LRP1B: variants seen among roughly 807,000 people sequenced by gnomAD.
LRP1B encodes low-density lipoprotein receptor-related protein 1B.
In LRP1B, 217 loss-of-function variants were observed where a neutral mutation model predicts 556.6. That is an observed-to-expected ratio of 0.39 (90% CI 0.35 to 0.44). The LOEUF is 0.44. Among genes scored for constraint, LRP1B ranks in the 20% least tolerant of loss-of-function variants. LRP1B has a pLI of 1.00. For missense variants in LRP1B, 5,053 were observed against 5,620.8 expected (o/e 0.90, Z 3.23); for synonymous variants, 2,047 against 1,865.8 (o/e 1.10, Z -2.50).
chr2:140,615,114 C>T (rs560736178), intron 41 of LRP1B, among the ~76,000 whole-genome samples: 1 of 152,210 alleles, frequency 6.6e-6, no homozygotes, highest in African/African-American at 2.4e-5. Flanking sequence ...CCAAATGCTC[C>T]TAGAGATAAC....
chr2:141,441,031 A>G (rs1680944357), intron 3 of LRP1B, among the ~76,000 whole-genome samples: 1 of 152,176 alleles, frequency 6.6e-6, no homozygotes, highest in South Asian at 2.1e-4. Context: ...CAAAATGTCA[A>G]TAGTGTGAGG....
chr2:140,313,140 T>A (rs1408258384), intron 83 of LRP1B, among the ~76,000 whole-genome samples: 1 of 151,890 alleles, frequency 6.6e-6, no homozygotes, highest in African/African-American at 2.4e-5. Context: ...AAGTGAAAAA[T>A]GCTTTTTAAG....
chr2:140,804,434 A>T, intron 32 of LRP1B, among the ~76,000 whole-genome samples: 1 of 152,016 alleles, frequency 6.6e-6, no homozygotes, highest in South Asian at 2.1e-4. Context: ...TGTATTTTTT[A>T]AATTTTTCTC....
chr2:140,998,124 G>A (rs1697307088), intron 15 of LRP1B, among the ~76,000 whole-genome samples: 1 of 152,004 alleles, frequency 6.6e-6, no homozygotes, highest in East Asian at 1.9e-4. Flanking sequence ...TCTTGACAGA[G>A]GAATATATCT....
chr2:141,978,484 A>C (rs1454181188), intron 1 of LRP1B, among the ~76,000 whole-genome samples: 1 of 152,026 alleles, frequency 6.6e-6, no homozygotes, highest in East Asian at 1.9e-4. Flanking sequence ...AAATAAGCTT[A>C]TATTTCTTCA....
chr2:141,176,091 G>T (rs1168071709), intron 7 of LRP1B, among the ~76,000 whole-genome samples: 1 of 152,016 alleles, frequency 6.6e-6, no homozygotes, highest in Admixed American at 6.6e-5. Flanking sequence ...TGGATATAAC[G>T]AATTTGTTTT....
At chr2:141,219,586 A>G (rs1413098511) in intron 6 of LRP1B, among the ~76,000 whole-genome samples, 2 of 152,198 alleles carry the variant, frequency 1.3e-5, no homozygotes, top group Non-Finnish European at 2.9e-5. Context: ...GGGGCAGCCA[A>G]GCTGTTTTGT....
rs1204112068 is a variant in LRP1B, at chr2:140,437,238, TAGA to T, written c.10414+5263_10414+5265del. On this transcript the variant is annotated intron_variant, in intron 66 of 90. Transcript: ENST00000389484. ...AATGAGGTTCCAGAGACTGTGTGGA[TAGA>T]AGGTCCTTTCTCCTTTCCAGCTGCT... is the stretch of plus-strand genomic sequence containing the variant. Among the ~76,000 whole-genome samples the T allele has an allele frequency of 3.3e-5, 5 of 152,262 alleles. No individual in the cohort carries two copies. In the South Asian group the frequency reaches 1.0e-3, roughly 32 times the overall value.
At chr2:140,497,496 C>G (rs1460697068) in intron 55 of LRP1B, among the ~76,000 whole-genome samples, 1 of 151,334 alleles carries the variant, frequency 6.6e-6, no homozygotes. Flanking sequence ...TCTTTTTATT[C>G]AATTTTGTTA....
intron 1 of LRP1B, among the ~76,000 whole-genome samples, chr2:141,832,926 C>T (rs970545757): frequency 4.6e-5 from 7 of 151,630 alleles, no homozygotes; most frequent in Non-Finnish European, 1.0e-4. Flanking sequence ...ATTATTTTTT[C>T]ATTATTTCAA....
intron 7 of LRP1B, among the ~76,000 whole-genome samples, chr2:141,111,035 G>A (rs1209110823): frequency 6.6e-6 from 1 of 152,144 alleles, no homozygotes; most frequent in East Asian, 1.9e-4. Flanking sequence ...ATGGCAAGGC[G>A]AAGAGCCAGC....
chr2:141,266,076 G>A (rs1684876377), intron 3 of LRP1B, among the ~76,000 whole-genome samples: 1 of 152,222 alleles, frequency 6.6e-6, no homozygotes. Context: ...TGTAATCCCA[G>A]CACTTTGGGA....
intron 1 of LRP1B, among the ~76,000 whole-genome samples, chr2:142,108,378 C>T (rs1263493554): frequency 1.3e-5 from 2 of 151,732 alleles, no homozygotes; most frequent in Non-Finnish European, 2.9e-5. Flanking sequence ...TCAGTCTTTT[C>T]GTGTTATCCA....
chr2:140,357,229 A>G (rs1249226098), intron 74 of LRP1B, among the ~76,000 whole-genome samples: 3 of 151,710 alleles, frequency 2.0e-5, no homozygotes, highest in Non-Finnish European at 4.4e-5. Flanking sequence ...TGAGAACTTT[A>G]ATTATTATCG....
intron 32 of LRP1B, among the ~76,000 whole-genome samples, chr2:140,794,495 A>ACC (rs1383250678): frequency 1.9e-5 from 1 of 51,656 alleles, no homozygotes; most frequent in Non-Finnish European, 7.0e-5. Context: ...ACACACACAC[A>ACC]CACACACACA....
chr2:140,465,720 C>CAAAAAAA (rs34468644), intron 60 of LRP1B, among the ~76,000 whole-genome samples: 1 of 80,328 alleles, frequency 1.2e-5, no homozygotes, highest in African/African-American at 4.3e-5. Context: ...ATGACATTTG[C>CAAAAAAA]AAAAAAAAAA....
chr2:141,963,739 G>A (rs1315669381), intron 1 of LRP1B, among the ~76,000 whole-genome samples: 6 of 147,810 alleles, frequency 4.1e-5, no homozygotes, highest in Non-Finnish European at 6.0e-5. Flanking sequence ...GGAACTTCTG[G>A]CCAGGGCAAT....
chr2:141,706,532 T>C (rs1692144205), intron 2 of LRP1B, among the ~76,000 whole-genome samples: 2 of 152,098 alleles, frequency 1.3e-5, no homozygotes, highest in African/African-American at 4.8e-5. Context: ...TACACCAACC[T>C]GCTTCCAAGT....
chr2:141,331,749 T>C (rs1213438693), intron 3 of LRP1B, among the ~76,000 whole-genome samples: 1 of 152,084 alleles, frequency 6.6e-6, no homozygotes, highest in African/African-American at 2.4e-5. Flanking sequence ...AGGGAGATAT[T>C]AGCCTTTAAT....
Sources: allele counts gnomAD v4.1 joint callset (sites outside exome capture counted in the v4.1 genomes callset), GRCh38; gene constraint gnomAD v4.1.1; transcripts MANE v1.5; gene names NCBI Gene and HGNC (gene_info 2026-07-23, HGNC 2026-07-21).